Variants in STYXL1 observed in about 807,000 individuals in gnomAD.
STYXL1 encodes the protein serine/threonine/tyrosine interacting like 1.
STYXL1 carries 32 observed loss-of-function variants against 36.4 expected under a neutral mutation model. That is an observed-to-expected ratio of 0.88 (90% CI 0.66 to 1.18). The LOEUF (loss-of-function observed/expected upper bound fraction) is 1.18. Among genes scored for constraint, STYXL1 ranks in the 50% most tolerant of loss-of-function variants. STYXL1 has a pLI of 0.00. For missense variants in STYXL1, 354 were observed against 394.1 expected (o/e 0.90, Z 0.86); for synonymous variants, 133 against 144.1 (o/e 0.92, Z 0.55).
At position 75,996,549 on chromosome 7, in the gene STYXL1, C is replaced by T. The variant is rs781961872; in HGVS notation, c.861G>A (p.Arg287=). 1 of 1,614,244 alleles carries T rather than the reference C, an allele frequency of 6.2e-7. No individual in the cohort carries two copies. The highest frequency in any genetic ancestry group is 8.5e-7 in the Non-Finnish European group (1 of 1,180,052). Residue 287 remains arginine, a synonymous_variant, in exon 9 of 9, where the codon CGG becomes CGA. Transcript: ENST00000359697. The part of the protein sequence containing the change: ...KKCKNNMCPN[R]GLVSQLLEWE... ...ATTCCAGCAGCTGGCTCACCAATCC[C>T]CGATTTGGACACATGTTGTTTTTGC...
chr7:76,001,082 A>C, intron 7 of STYXL1, 80 bp from the exon 8 acceptor site: 1 of 1,079,452 alleles, frequency 9.3e-7, no homozygotes, highest in Non-Finnish European at 1.4e-6. Flanking sequence ...ACTGGCCTCC[A>C]TGGGCCCGTG....
intron 1 of STYXL1, chr7:76,045,540 T>C (rs188502008): frequency 3.9e-5 from 6 of 152,202 alleles, no homozygotes; most frequent in Admixed American, 3.9e-4. Flanking sequence ...CTGCTAAAAA[T>C]ACAAAAATTA....
chr7:76,013,127 C>T (rs1364253942), intron 5 of STYXL1, among the ~76,000 whole-genome samples: 1 of 152,082 alleles, frequency 6.6e-6, no homozygotes, highest in Non-Finnish European at 1.5e-5. Flanking sequence ...GAGATCGAGA[C>T]CATCCTGGCT....
intron 4 of STYXL1, among the ~76,000 whole-genome samples, chr7:76,017,999 C>T (rs1461801584): frequency 6.6e-6 from 1 of 151,432 alleles, no homozygotes; most frequent in Non-Finnish European, 1.5e-5. Flanking sequence ...AGTTATGCAA[C>T]CATCCCCCAC....
rs1419563385 is a variant in STYXL1, at chr7:75,996,598, C to G, written c.812G>C (p.Arg271Thr). ...LMHSNEQTLQ[R>T]SWAYVKKCKN... Reference sequence around the variant, plus strand: ...GCACTTCTTGACATAGGCCCAGGACCTCTATGAATACAAAGAGAGAAAGTG... The same window carrying G: ...GCACTTCTTGACATAGGCCCAGGACGTCTATGAATACAAAGAGAGAAAGTG... The change falls in exon 9 of 9, where the codon AGG becomes ACG. Residue 271 changes from arginine (R) to threonine (T), a missense_variant and splice_region_variant. Arg to Thr is a moderately conservative substitution (Grantham distance 71). Transcript: ENST00000359697. The G allele has an allele frequency of 1.5e-5, 25 of 1,614,024 alleles. No individual in the cohort carries two copies. Among genetic ancestry groups the G allele is most frequent in the Non-Finnish European group, 2.1e-5 (25 of 1,179,998 alleles).
At chr7:76,008,199 CAAAAAAAAAAAAAAAA>C (rs60080805) in intron 5 of STYXL1, among the ~76,000 whole-genome samples, 59 of 33,728 alleles carry the variant, frequency 1.7e-3, no homozygotes, top group Non-Finnish European at 2.4e-3. Flanking sequence ...AACTCCATCT[CAAAAAAAAAAAAAAAA>C]AAAAAAAAAA....
Position 76,000,878 on chromosome 7 carries a change from G to T in STYXL1, c.810+12C>A. On this transcript the variant is annotated intron_variant, in intron 8 of 8. Transcript: ENST00000359697. ...GTGGCCGTGGTGCGAGCCTGGCCCG[G>T]GGAACGCATACCTGCAAGGTCTGCT... 1.2e-6 allele frequency: 2 copies of T among 1,612,020 alleles called. No homozygotes were observed. The highest frequency in any genetic ancestry group is 1.7e-6 in the Non-Finnish European group (2 of 1,178,110).
chr7:76,023,886 G>A (rs570909984), intron 3 of STYXL1, among the ~76,000 whole-genome samples: 44 of 152,104 alleles, frequency 2.9e-4, no homozygotes, highest in Non-Finnish European at 5.3e-4. Context: ...GGTGGCACAC[G>A]CCTATAGTAC....
intron 5 of STYXL1, 117 bp downstream of exon 5, chr7:76,013,625 C>A (rs1792881379): frequency 6.9e-7 from 1 of 1,443,474 alleles, no homozygotes; most frequent in South Asian, 1.2e-5. Flanking sequence ...GAATCTCCTC[C>A]ACTTTCTCTA....
At chr7:75,997,576 T>G (rs1790293432) in intron 8 of STYXL1, among the ~76,000 whole-genome samples, 1 of 152,194 alleles carries the variant, frequency 6.6e-6, no homozygotes, top group South Asian at 2.1e-4. Context: ...TTTCATCACT[T>G]CTGTTCAACA....
chr7:76,009,358 C>T (rs944091808), intron 5 of STYXL1, among the ~76,000 whole-genome samples: 5 of 151,778 alleles, frequency 3.3e-5, no homozygotes, highest in Admixed American at 3.3e-4. Flanking sequence ...ATCCCAGCCC[C>T]CTCTCTCTCC....
rs1413004685 is a variant in STYXL1 at position 76,047,836 on chromosome 7, G to T, written c.-179C>A. 3.4e-6 allele frequency: 4 copies of T among 1,162,560 alleles called. No homozygotes were observed. The highest frequency in any genetic ancestry group is 4.5e-6 in the Non-Finnish European group (4 of 897,498). 72.0% of individuals were successfully genotyped at this position (1,162,560 alleles called of 1,614,324 possible). On this transcript the variant is annotated 5_prime_UTR_variant, in exon 1 of 9. Transcript: ENST00000359697. ...CCTGGAAAAATGGCTCCTCTAAGGC[G>T]CTTCCAGCCTAAAGCCCGTCCTCTT...
chr7:76,020,404 G>C (rs1362824056), intron 4 of STYXL1, among the ~76,000 whole-genome samples: 1 of 152,252 alleles, frequency 6.6e-6, no homozygotes, highest in South Asian at 2.1e-4. Context: ...AATGGCAAAG[G>C]GTGGTCAGCC....
At position 76,036,123 on chromosome 7, in the gene STYXL1, C is replaced by T. The variant is rs190564030; in HGVS notation, c.-4-5596G>A. On this transcript the variant is annotated intron_variant, in intron 1 of 8. Coordinates refer to ENST00000359697, the MANE Select transcript of STYXL1 (RefSeq NM_001317785.2). Reference sequence around the variant, plus strand: ...TATTTATTTACTTATTTTCTTGAGACAGAGTCTTGCTCTGTCCCCCAGGCT... The same window carrying T: ...TATTTATTTACTTATTTTCTTGAGATAGAGTCTTGCTCTGTCCCCCAGGCT... Among the ~76,000 whole-genome samples, 59 of 150,102 alleles carry T rather than the reference C, an allele frequency of 3.9e-4. 3 individuals carry two copies. Among genetic ancestry groups the T allele is most frequent in the African/African-American group, 1.3e-3 (52 of 41,202 alleles).
intron 5 of STYXL1, among the ~76,000 whole-genome samples, chr7:76,011,393 T>C (rs145576258): frequency 3.9e-5 from 6 of 152,344 alleles, no homozygotes; most frequent in African/African-American, 1.4e-4. Context: ...ACTTGTACTT[T>C]ATAATAACCA....
intron 5 of STYXL1, among the ~76,000 whole-genome samples, chr7:76,006,298 G>A (rs1235791736): frequency 2.0e-5 from 3 of 151,878 alleles, no homozygotes; most frequent in African/African-American, 7.3e-5. Flanking sequence ...AGCTGTCCTC[G>A]AACTCCTGGC....
chr7:76,032,683 C>A (rs1299239978), intron 1 of STYXL1, among the ~76,000 whole-genome samples: 1 of 152,080 alleles, frequency 6.6e-6, no homozygotes, highest in Non-Finnish European at 1.5e-5. Context: ...GCCTGGGTGA[C>A]AGAGTAACTT....
At chr7:76,046,335 TGTGTGCGCGCGC>T (rs1376182856) in intron 1 of STYXL1, among the ~76,000 whole-genome samples, 197 of 18,904 alleles carry the variant, frequency 0.01, no homozygotes, top group African/African-American at 0.02. Flanking sequence ...TGTGTGTGTG[TGTGTGCGCGCGC>T]GCGCGCGCGC....
rs75357155 is a variant in STYXL1, at chr7:76,024,227, A to G, written c.166-2235T>C. On this transcript the variant is annotated intron_variant, in intron 3 of 8. Transcript: ENST00000359697. ...CTAGAAACCCATGGTTTGAGCAGAG[A>G]GAGGAGACGTTCCCCTCAAAAAGGG... is the stretch of plus-strand genomic sequence containing the variant. Among the ~76,000 whole-genome samples, 1,132 of 152,236 alleles carry G rather than the reference A, an allele frequency of 7.4e-3. 19 individuals carry two copies. The highest frequency in any genetic ancestry group is 0.026 in the African/African-American group (1,061 of 41,548).
Sources: gnomAD v4.1 joint callset for allele counts (sites outside exome capture counted in the v4.1 genomes callset) on GRCh38, gnomAD v4.1.1 for gene constraint, MANE v1.5 for transcripts, NCBI Gene and HGNC (gene_info 2026-07-23, HGNC 2026-07-21) for gene names.